Variants in MPC1 observed in about 807,000 individuals in gnomAD.
The protein encoded by MPC1 is mitochondrial pyruvate carrier 1.
MPC1 carries 6 observed loss-of-function variants against 13.9 expected under a neutral mutation model. That is an observed-to-expected ratio of 0.43 (90% CI 0.24 to 0.85). The LOEUF (loss-of-function observed/expected upper bound fraction) is 0.85. MPC1 is among the 40% of genes least tolerant of loss of function. The pLI is 0.24. For missense variants in MPC1, 115 were observed against 143.3 expected (o/e 0.80, Z 1.01); for synonymous variants, 47 against 50.5 (o/e 0.93, Z 0.29).
chr6:166,379,361 G>T (rs1779682802), intron 1 of MPC1, among the ~76,000 whole-genome samples: 1 of 152,134 alleles, frequency 6.6e-6, no homozygotes, highest in South Asian at 2.1e-4. Context: ...AGGTATGATT[G>T]TGCACACCTG....
intron 1 of MPC1, among the ~76,000 whole-genome samples, chr6:166,371,687 G>C (rs1004271675): frequency 2.0e-5 from 3 of 152,160 alleles, no homozygotes; most frequent in African/African-American, 7.2e-5. Context: ...TGCATTCTAA[G>C]ACCTCCAGTG....
chr6:166,366,692 C>T, intron 3 of MPC1, 103 bp downstream of exon 3: 4 of 1,118,606 alleles, frequency 3.6e-6, no homozygotes, highest in Non-Finnish European at 5.3e-6. Flanking sequence ...CTGTATGTGA[C>T]TTTCTAATAG....
At chr6:166,367,564 A>AACTAC (rs1779209312) in intron 2 of MPC1, among the ~76,000 whole-genome samples, 1 of 152,202 alleles carries the variant, frequency 6.6e-6, no homozygotes, top group Non-Finnish European at 1.5e-5. Context: ...TTCATTCCAC[A>AACTAC]ACTACACTCA....
chr6:166,376,343 G>A (rs1388620018), intron 1 of MPC1, among the ~76,000 whole-genome samples: 1 of 152,192 alleles, frequency 6.6e-6, no homozygotes, highest in Non-Finnish European at 1.5e-5. Flanking sequence ...TAAAGGCCCT[G>A]AGAACCTGAA....
rs145786499 is a variant in MPC1 at position 166,367,616 on chromosome 6, C to T, written c.76-725G>A. 2.1e-3 allele frequency among the ~76,000 whole-genome samples: 321 copies of T among 152,248 alleles called. 1 individual carries two copies. Among genetic ancestry groups the T allele is most frequent in the Middle Eastern group, 6.8e-3 (2 of 294 alleles). ...TGAAGTCGTCTGTGTTTGACAGCAG[C>T]CACAATCAATTTAATTTTAGAGGCT... is the stretch of plus-strand genomic sequence containing the variant. On this transcript the variant is annotated intron_variant, in intron 2 of 4. Coordinates refer to ENST00000360961, the MANE Select transcript of MPC1 (RefSeq NM_016098.4).
chr6:166,378,845 AC>A (rs1275247460), intron 1 of MPC1, among the ~76,000 whole-genome samples: 2 of 152,178 alleles, frequency 1.3e-5, no homozygotes, highest in African/African-American at 2.4e-5. Flanking sequence ...TTGAACACTT[AC>A]TTTTGTCAAG....
intron 1 of MPC1, 28 bp downstream of exon 1, chr6:166,382,777 TG>T: frequency 6.4e-7 from 1 of 1,564,822 alleles, no homozygotes; most frequent in Admixed American, 1.8e-5. Flanking sequence ...CCCTCCGGGT[TG>T]CGGGGTTCGG....
At chr6:166,368,556 G>GC (rs1779255861) in intron 2 of MPC1, among the ~76,000 whole-genome samples, 1 of 70,342 alleles carries the variant, frequency 1.4e-5, no homozygotes, top group African/African-American at 5.9e-5. Flanking sequence ...TCCGTCTCAG[G>GC]GAAAAAAAAA....
intron 2 of MPC1, among the ~76,000 whole-genome samples, chr6:166,368,383 C>G (rs1779243861): frequency 6.6e-6 from 1 of 152,022 alleles, no homozygotes; most frequent in Non-Finnish European, 1.5e-5. Context: ...TGGTAAAACC[C>G]TGTCTCTACT....
At chr6:166,370,052 T>C (rs1187308613) in intron 2 of MPC1, 166 bp downstream of exon 2, 2 of 723,190 alleles carry the variant, frequency 2.8e-6, no homozygotes, top group East Asian at 5.2e-5. Context: ...AGCTCGTGTC[T>C]AGGCTCCCCA....
chr6:166,370,700 T>C (rs1439598080), intron 1 of MPC1, among the ~76,000 whole-genome samples: 1 of 152,056 alleles, frequency 6.6e-6, no homozygotes, highest in Non-Finnish European at 1.5e-5. Context: ...CACAAATATA[T>C]TTTAAAAATT....
Position 166,382,819 on chromosome 6 carries a change from C to T in MPC1, c.58G>A (p.Asp20Asn), listed in dbSNP as rs764728090. ...GGCGCTCGTCACCTCATGAGGTAGTCCCGGAAATCCTTGCTTCGGACATAG... is the reference window on the plus strand; with the variant it reads ...GGCGCTCGTCACCTCATGAGGTAGTTCCGGAAATCCTTGCTTCGGACATAG... ...ADYVRSKDFRDYLMSTHFWGP... is the reference protein window; with the variant it reads ...ADYVRSKDFRNYLMSTHFWGP... Residue 20 changes from aspartate to asparagine, a missense_variant, in exon 1 of 5, where the codon GAC (aspartate) becomes AAC (asparagine). Physicochemically the swap from Asp to Asn is conservative, Grantham distance 23. Around this residue, in one of 3 missense-constraint regions of MPC1, gnomAD observed 41 missense variants for 34.2 expected, o/e 1.20. Transcript: ENST00000360961. 4.4e-6 allele frequency: 7 copies of T among 1,596,922 alleles called. No homozygotes were observed. Among genetic ancestry groups the T allele is most frequent in the Non-Finnish European group, 6.0e-6 (7 of 1,173,362 alleles).
chr6:166,382,196 C>A (rs1779814359), intron 1 of MPC1, among the ~76,000 whole-genome samples: 1 of 152,238 alleles, frequency 6.6e-6, no homozygotes, highest in South Asian at 2.1e-4. Flanking sequence ...GTCACCCCTG[C>A]CGGGTCACCC....
At chr6:166,368,746 C>T (rs1404113148) in intron 2 of MPC1, 11 of 984,796 alleles carry the variant, frequency 1.1e-5, no homozygotes, top group South Asian at 9.4e-5. Context: ...TTTTCTTACC[C>T]GTCCTGTTAT....
intron 2 of MPC1, among the ~76,000 whole-genome samples, chr6:166,367,764 T>G (rs1003368920): frequency 1.3e-5 from 2 of 152,220 alleles, no homozygotes; most frequent in African/African-American, 2.4e-5. Flanking sequence ...AAACACCCCT[T>G]TTAGTTATCC....
chr6:166,378,904 A>C lies in MPC1; in HGVS notation c.71+3902T>G, dbSNP rs1010700129. ...GCTACGAAAGCACAAAAGCTAAACA[A>C]TTTGCCCAAGCTCACAAAGCTGGAA... On this transcript the variant is annotated intron_variant, in intron 1 of 4. Transcript: ENST00000360961. Among the ~76,000 whole-genome samples, 2 of 152,242 alleles carry C rather than the reference A, an allele frequency of 1.3e-5. 1 individual carries two copies. Among genetic ancestry groups the C allele is most frequent in the South Asian group, 4.1e-4 (2 of 4,838 alleles).
intron 1 of MPC1, among the ~76,000 whole-genome samples, chr6:166,380,893 A>G (rs1418326990): frequency 1.4e-5 from 2 of 144,534 alleles, no homozygotes; most frequent in Non-Finnish European, 3.0e-5. Context: ...GAGCCAAAAT[A>G]GTGCCAGTGC....
Position 166,373,499 on chromosome 6 carries a change from G to A in MPC1, c.72-3278C>T, listed in dbSNP as rs1779459994. On this transcript the variant is annotated intron_variant, in intron 1 of 4. Transcript: ENST00000360961. ...CTGAATAATATTCCATTGTCTGGAG[G>A]TACCACAATTTATTTTGCCATTCAC... Among the ~76,000 whole-genome samples the A allele has an allele frequency of 1.3e-5, 2 of 152,168 alleles. 1 individual carries two copies. The highest frequency in any genetic ancestry group is 4.1e-4 in the South Asian group (2 of 4,832).
rs1779179926 is a variant in MPC1 at position 166,366,930 on chromosome 6, A to G, written c.76-39T>C. On this transcript the variant is annotated intron_variant, in intron 2 of 4. Transcript: ENST00000360961. ...GAGGAAAAGAATGAAGAGAGGAAAA[A>G]GTTAAGACAGAACTATAAACAGCTG... 3 of 1,613,160 alleles carry G rather than the reference A, an allele frequency of 1.9e-6. No individual in the cohort carries two copies. The South Asian group carries it at 3.3e-5, about 18-fold the overall frequency.
Sources: gnomAD v4.1 joint callset for allele counts (sites outside exome capture counted in the v4.1 genomes callset) on GRCh38, gnomAD v4.1.1 for gene constraint, gnomAD v4.1.1 regional missense constraint, MANE v1.5 for transcripts, NCBI Gene and HGNC (gene_info 2026-07-23, HGNC 2026-07-21) for gene names.